The following MSL2 variants were observed in gnomAD, a reference collection of about 807,000 sequenced individuals.
The protein encoded by MSL2 is E3 ubiquitin-protein ligase MSL2.
In MSL2, 2 loss-of-function variants were observed where a neutral mutation model predicts 35.8. The ratio of observed to expected loss-of-function variants is 0.06; its 90% CI spans 0.02 to 0.18. The LOEUF (loss-of-function observed/expected upper bound fraction) is 0.18, where lower values mean the gene tolerates loss of function less well. Among genes scored for constraint, MSL2 ranks in the 10% least tolerant of loss-of-function variants. The probability of loss-of-function intolerance (pLI) is 1.00; values close to 1 mark genes in which losing one functional copy is unlikely to be tolerated. For synonymous variants in MSL2, 296 were observed against 255.7 expected, an observed-to-expected ratio of 1.16 and a Z score of -1.50; for missense variants, 523 against 706.7, an observed-to-expected ratio of 0.74 and a Z score of 2.95.
At chr3:136,182,664 G>A (rs1294022714) in intron 1 of MSL2, among the ~76,000 whole-genome samples, 3 of 151,042 alleles carry the variant, frequency 2.0e-5, no homozygotes, top group African/African-American at 4.9e-5. Flanking sequence ...AGAGAAAGAG[G>A]TCCAGCGCAC....
At chr3:136,184,006 A>G (rs897431824) in intron 1 of MSL2, among the ~76,000 whole-genome samples, 2 of 152,192 alleles carry the variant, frequency 1.3e-5, no homozygotes, top group South Asian at 4.1e-4. Context: ...TTAGAATTCT[A>G]TGGTCCTGGC....
chr3:136,174,564 G>A (rs920284433), intron 1 of MSL2, among the ~76,000 whole-genome samples: 2 of 152,198 alleles, frequency 1.3e-5, no homozygotes, highest in African/African-American at 4.8e-5. Flanking sequence ...AGTGACTGAG[G>A]CAGGAAGAGC....
intron 1 of MSL2, among the ~76,000 whole-genome samples, chr3:136,156,255 G>C (rs1446529586): frequency 2.0e-5 from 3 of 152,128 alleles, no homozygotes; most frequent in African/African-American, 7.2e-5. Context: ...AATCAAAGTA[G>C]TCTCTAAAAG....
chr3:136,183,403 A>G (rs1347081478), intron 1 of MSL2, among the ~76,000 whole-genome samples: 1 of 152,000 alleles, frequency 6.6e-6, no homozygotes, highest in Non-Finnish European at 1.5e-5. Context: ...TCTATGAAAA[A>G]TTTTTAAAAT....
At chr3:136,185,544 G>T (rs1940495866) in intron 1 of MSL2, among the ~76,000 whole-genome samples, 2 of 144,914 alleles carry the variant, frequency 1.4e-5, no homozygotes, top group Admixed American at 1.4e-4. Flanking sequence ...TTTTGGAGGG[G>T]GGGGTGGGGG....
intron 1 of MSL2, among the ~76,000 whole-genome samples, chr3:136,186,145 T>C (rs1348640424): frequency 6.6e-6 from 1 of 152,214 alleles, no homozygotes; most frequent in Non-Finnish European, 1.5e-5. Context: ...CATCCTTCCT[T>C]ACTTCATTTC....
chr3:136,150,528 A>C lies in MSL2; in HGVS notation c.*619T>G, dbSNP rs1425145460. 6.5e-6 allele frequency: 1 copy of C among 152,750 alleles called. No individual in the cohort carries two copies. Among genetic ancestry groups the C allele is most frequent in the African/African-American group, 2.4e-5 (1 of 41,464 alleles). 9.5% of individuals were successfully genotyped at this position (152,750 alleles called of 1,614,324 possible). On this transcript the variant is annotated 3_prime_UTR_variant, in exon 2 of 2. Coordinates refer to ENST00000309993, the MANE Select transcript of MSL2 (RefSeq NM_018133.4). ...AACAGCTAAACATTTGTAGTCTGAC[A>C]GAATTTTACTTTTTAAAAAGATTTC...
At chr3:136,168,314 T>C (rs1939909037) in intron 1 of MSL2, among the ~76,000 whole-genome samples, 1 of 152,134 alleles carries the variant, frequency 6.6e-6, no homozygotes, top group African/African-American at 2.4e-5. Flanking sequence ...CGTGAGACTT[T>C]AAAATCATTA....
rs1345467499 is a variant in MSL2 at position 136,151,122 on chromosome 3, G to A, written c.*25C>T. On this transcript the variant is annotated 3_prime_UTR_variant, in exon 2 of 2. Transcript: ENST00000309993. The surrounding 1 kb of genome is among the most constrained non-coding windows in gnomAD (Gnocchi z 5.2). ...AAAACTGTAGCTATTTCCCTACCAG[G>A]AGTAGGTTTAAAAGACCCACTGATT... 6.3e-7 allele frequency: 1 copy of A among 1,597,446 alleles called. No individual in the cohort carries two copies. The highest frequency in any genetic ancestry group is 8.6e-7 in the Non-Finnish European group (1 of 1,167,214).
chr3:136,174,249 G>A (rs1193215894), intron 1 of MSL2, among the ~76,000 whole-genome samples: 5 of 152,122 alleles, frequency 3.3e-5, no homozygotes, highest in African/African-American at 1.2e-4. Context: ...GAGTGACCTT[G>A]GTAATCACTT....
intron 1 of MSL2, chr3:136,194,697 C>T (rs1420598059): frequency 7.4e-6 from 3 of 407,290 alleles, no homozygotes; most frequent in African/African-American, 4.3e-5. Flanking sequence ...ATGCATCTTA[C>T]CCCCACTTAA....
At position 136,184,535 on chromosome 3, in the gene MSL2, G is replaced by A. The variant is rs147455505; in HGVS notation, c.142+10437C>T. Among the ~76,000 whole-genome samples, 294 of 151,814 alleles carry A rather than the reference G, an allele frequency of 1.9e-3. 2 individuals carry two copies. Among genetic ancestry groups the A allele is most frequent in the African/African-American group, 6.7e-3 (276 of 41,364 alleles). On this transcript the variant is annotated intron_variant, in intron 1 of 1. Transcript: ENST00000309993. ...GGAGAATCCCTTGAACCCAGGAGGC[G>A]GAGGTTGCAGCGAGCCGAGATCCCA...
chr3:136,164,935 G>C (rs146039687), intron 1 of MSL2, among the ~76,000 whole-genome samples: 1 of 151,660 alleles, frequency 6.6e-6, no homozygotes, highest in South Asian at 2.1e-4. Flanking sequence ...GTGCAGTGGC[G>C]TGATCTTGGC....
chr3:136,193,955 A>G lies in MSL2; in HGVS notation c.142+1017T>C, dbSNP rs907206441. Among the ~76,000 whole-genome samples, 7 of 152,332 alleles carry G rather than the reference A, an allele frequency of 4.6e-5. No homozygotes were observed. The South Asian group carries it at 1.5e-3, about 32-fold the overall frequency. ...AATGCTGGATAAACCTCAAATGAAT[A>G]TTATTTCTCCCTTCAGCCACAACTG... On this transcript the variant is annotated intron_variant, in intron 1 of 1. Coordinates refer to ENST00000309993, the MANE Select transcript of MSL2 (RefSeq NM_018133.4).
chr3:136,195,441 C>T lies in MSL2; in HGVS notation c.-328G>A, dbSNP rs1940810257. The T allele has an allele frequency of 1.9e-6, 2 of 1,045,932 alleles. No homozygotes were observed. The highest frequency in any genetic ancestry group is 1.7e-5 in the African/African-American group (1 of 58,694). 64.8% of individuals were successfully genotyped at this position (1,045,932 alleles called of 1,614,324 possible). A position where few individuals can be genotyped will look rare whatever the true frequency, so the allele number is the denominator to read the frequency against. Reference sequence around the variant, plus strand: ...CGGGACTCGGAGCTCAGTCTAGCCCCGCGGCTCGGCAGGCGGCCTGCACTC... The same window carrying T: ...CGGGACTCGGAGCTCAGTCTAGCCCTGCGGCTCGGCAGGCGGCCTGCACTC... On this transcript the variant is annotated 5_prime_UTR_variant, in exon 1 of 2. Transcript: ENST00000309993.
intron 1 of MSL2, among the ~76,000 whole-genome samples, chr3:136,164,732 C>T (rs1300349965): frequency 6.6e-6 from 1 of 152,072 alleles, no homozygotes; most frequent in Non-Finnish European, 1.5e-5. Context: ...GGGCAATATA[C>T]AACAGGAGGA....
chr3:136,174,299 A>T (rs1940108141), intron 1 of MSL2, among the ~76,000 whole-genome samples: 1 of 152,212 alleles, frequency 6.6e-6, no homozygotes, highest in South Asian at 2.1e-4. Flanking sequence ...ACTTTCATGG[A>T]TTACATAACT....
At chr3:136,157,050 TA>T (rs569247308) in intron 1 of MSL2, among the ~76,000 whole-genome samples, 1 of 152,070 alleles carries the variant, frequency 6.6e-6, no homozygotes, top group African/African-American at 2.4e-5. Flanking sequence ...ATATAAAAAA[TA>T]AAAAAGCAAA....
intron 1 of MSL2, among the ~76,000 whole-genome samples, chr3:136,169,524 C>T (rs1281208628): frequency 6.6e-6 from 1 of 152,126 alleles, no homozygotes; most frequent in Non-Finnish European, 1.5e-5. Flanking sequence ...TCTGGGCTCA[C>T]TGCAACCTCT....
Sources: gnomAD v4.1 joint callset for allele counts (sites outside exome capture counted in the v4.1 genomes callset) on GRCh38, gnomAD v4.1.1 for gene constraint, Gnocchi (gnomAD v3.1) non-coding constraint, MANE v1.5 for transcripts, NCBI Gene and HGNC (gene_info 2026-07-23, HGNC 2026-07-21) for gene names.